The following UTP15 variants were observed in gnomAD, a reference collection of about 807,000 sequenced individuals.
UTP15 encodes the protein UTP15 small subunit processome component.
UTP15 carries 5 observed loss-of-function variants against 59.1 expected under a neutral mutation model. The observed-to-expected ratio is 0.08, with a 90% CI of 0.04 to 0.18. The LOEUF (loss-of-function observed/expected upper bound fraction) is 0.18, where lower values mean the gene tolerates loss of function less well. Ranked by LOEUF, UTP15 falls within the 10% of genes least tolerant of loss-of-function variation. The pLI is 1.00. For synonymous variants in UTP15, 211 were observed against 212.2 expected, an observed-to-expected ratio of 0.99 and a Z score of 0.05; for missense variants, 494 against 616.7, an observed-to-expected ratio of 0.80 and a Z score of 2.11.
Position 73,579,330 on chromosome 5 carries a change from C to G in UTP15, c.1294C>G (p.Pro432Ala). The G allele has an allele frequency of 3.1e-6, 5 of 1,609,044 alleles. No homozygotes were observed. The highest frequency in any genetic ancestry group is 4.2e-6 in the Non-Finnish European group (5 of 1,178,254). Residue 432 changes from proline to alanine, a missense_variant, in exon 12 of 13, where the codon CCA becomes GCA. Coordinates refer to ENST00000296792, the MANE Select transcript of UTP15 (RefSeq NM_032175.4). ...LNFLIRNLSQ[P>A]RFAPVLINAA... ...TTTACTTTGTAGGAATCTTTCTCAGCCAAGATTTGCCCCTGTTTTAATCAA... is the reference window on the plus strand; with the variant it reads ...TTTACTTTGTAGGAATCTTTCTCAGGCAAGATTTGCCCCTGTTTTAATCAA...
At chr5:73,579,458 A>G in intron 12 of UTP15, 83 bp downstream of exon 12, 1 of 1,038,090 alleles carries the variant, frequency 9.6e-7, no homozygotes, top group Non-Finnish European at 1.4e-6. Context: ...AATCAAGTAG[A>G]TCAAAATATC....
chr5:73,581,316 G>A lies in UTP15; in HGVS notation c.*1222G>A, dbSNP rs1489018725. ...TCTACCTGCCTCTGCCTCCCGAAGTGCTTGGATTACAGGTGTGAGCCACTG... is the reference window on the plus strand; with the variant it reads ...TCTACCTGCCTCTGCCTCCCGAAGTACTTGGATTACAGGTGTGAGCCACTG... On this transcript the variant is annotated 3_prime_UTR_variant, in exon 13 of 13. Coordinates refer to ENST00000296792, the MANE Select transcript of UTP15 (RefSeq NM_032175.4). The A allele has an allele frequency of 1.3e-5, 2 of 152,256 alleles. No homozygotes were observed. Among genetic ancestry groups the A allele is most frequent in the African/African-American group, 4.8e-5 (2 of 41,528 alleles). 9.4% of individuals were successfully genotyped at this position (152,256 alleles called of 1,614,324 possible). A position where few individuals can be genotyped will look rare whatever the true frequency, so the allele number is the denominator to read the frequency against.
chr5:73,570,667 A>C lies in UTP15; in HGVS notation c.629A>C (p.Glu210Ala). 6.2e-7 allele frequency: 1 copy of C among 1,614,180 alleles called. No homozygotes were observed. The change falls in exon 6 of 13, where the codon GAG (glutamate) becomes GCG (alanine). Residue 210 changes from glutamate (E) to alanine (A), a missense_variant. By Grantham distance (107) the Glu-to-Ala change is moderately radical. Coordinates refer to ENST00000296792, the MANE Select transcript of UTP15 (RefSeq NM_032175.4). ...VLSVEHGQPV[E>A]SVLLFPSGGL... is the part of the protein sequence containing the mutation. ...TCCGTTGAGCATGGGCAGCCAGTGG[A>C]GAGTGTCCTACTTTTCCCCTCTGGA...
intron 2 of UTP15, 83 bp from the exon 3 acceptor site, chr5:73,568,151 GA>G: frequency 9.7e-7 from 1 of 1,029,986 alleles, no homozygotes; most frequent in South Asian, 2.0e-5. Flanking sequence ...AGAACAAAGA[GA>G]AACGGTCTGT....
At chr5:73,575,509 T>C (rs535527556) in intron 7 of UTP15, among the ~76,000 whole-genome samples, 1 of 152,054 alleles carries the variant, frequency 6.6e-6, no homozygotes, top group East Asian at 1.9e-4. Flanking sequence ...AATTCTGAGG[T>C]TGAGAATCCC....
chr5:73,574,618 G>A lies in UTP15; in HGVS notation c.809+1994G>A, dbSNP rs201185834. 9.2e-5 allele frequency among the ~76,000 whole-genome samples: 14 copies of A among 151,872 alleles called. No individual in the cohort carries two copies. The East Asian group carries it at 2.7e-3, about 30-fold the overall frequency. On this transcript the variant is annotated intron_variant, in intron 7 of 12. Coordinates refer to ENST00000296792, the MANE Select transcript of UTP15 (RefSeq NM_032175.4). Reference sequence around the variant, plus strand: ...TCCCCTCGCCTCAGCTTCCTCAGTAGCTGGGACCACCGGCACGCGCCACTG... The same window carrying A: ...TCCCCTCGCCTCAGCTTCCTCAGTAACTGGGACCACCGGCACGCGCCACTG...
chr5:73,567,200 A>G lies in UTP15; in HGVS notation c.-83-62A>G, dbSNP rs116241712. ...TCCACACAGACTTTTTAAAGAAAGCAGAGTGAAAATCAACTATGTGTACAA... is the reference window on the plus strand; with the variant it reads ...TCCACACAGACTTTTTAAAGAAAGCGGAGTGAAAATCAACTATGTGTACAA... On this transcript the variant is annotated intron_variant, in intron 1 of 12. Transcript: ENST00000296792. 2,099 of 450,924 alleles carry G rather than the reference A, an allele frequency of 4.7e-3. 10 individuals are homozygous for G. The highest frequency in any genetic ancestry group is 9.1e-3 in the Middle Eastern group (15 of 1,642). 27.9% of individuals were successfully genotyped at this position (450,924 alleles called of 1,614,324 possible).
At position 73,578,757 on chromosome 5, in the gene UTP15, A is replaced by G. The variant is rs779678266; in HGVS notation, c.1051A>G (p.Ile351Val). 5 of 1,613,598 alleles carry G rather than the reference A, an allele frequency of 3.1e-6. No homozygotes were observed. The Admixed American group carries it at 6.7e-5, about 22-fold the overall frequency. ...GKNYMKQRDD[I>V]LINRPAKKHL... ...AATGTACTTTTCATTGCAGGATGACATTTTGATTAACAGGCCAGCAAAGAA... is the reference window on the plus strand; with the variant it reads ...AATGTACTTTTCATTGCAGGATGACGTTTTGATTAACAGGCCAGCAAAGAA... Residue 351 changes from isoleucine to valine, a missense_variant, in exon 10 of 13, where the codon ATT becomes GTT. Coordinates refer to ENST00000296792, the MANE Select transcript of UTP15 (RefSeq NM_032175.4).
chr5:73,568,722 AC>A lies in UTP15; in HGVS notation c.368+119del, dbSNP rs1203863296. On this transcript the variant is annotated intron_variant, in intron 4 of 12. Transcript: ENST00000296792. ...TTATGGAGATTATTTGCCTATAGGTACTATATTTCCTGATTGTTCTAAGAGT... is the reference window on the plus strand; with the variant it reads ...TTATGGAGATTATTTGCCTATAGGTATATATTTCCTGATTGTTCTAAGAGT... 6.2e-6 allele frequency: 6 copies of A among 960,448 alleles called. No individual in the cohort carries two copies. The African/African-American group carries it at 9.8e-5, about 16-fold the overall frequency. The allele number at this position is 960,448 out of a possible 1,614,324, so 59.5% of individuals were successfully genotyped here.
chr5:73,579,838 G>A, intron 12 of UTP15, 39 bp from the exon 13 acceptor site: 1 of 1,423,280 alleles, frequency 7.0e-7, no homozygotes, highest in Non-Finnish European at 9.5e-7. Context: ...TGTATGGAAA[G>A]ATATTGCTAG....
At chr5:73,576,768 C>T (rs77940365) in intron 7 of UTP15, among the ~76,000 whole-genome samples, 184 bp from the exon 8 acceptor site, 1,854 of 152,260 alleles carry the variant, frequency 0.012, 31 homozygotes, top group African/African-American at 0.042. Flanking sequence ...CCACCGTGTC[C>T]GGCCTACAGC....
At position 73,565,790 on chromosome 5, in the gene UTP15, C is replaced by T. The variant is rs1037408572; in HGVS notation, c.-206C>T. The T allele has an allele frequency of 4.8e-5, 22 of 456,180 alleles. No homozygotes were observed. The highest frequency in any genetic ancestry group is 9.7e-5 in the Non-Finnish European group (22 of 226,972). 28.3% of individuals were successfully genotyped at this position (456,180 alleles called of 1,614,324 possible). A position where few individuals can be genotyped will look rare whatever the true frequency, so the allele number is the denominator to read the frequency against. ...GGTTCGCTGTGTGTGTCGCCGGCTC[C>T]TTGAGGGTCCATGTGATTTTTACGC... On this transcript the variant is annotated 5_prime_UTR_variant, in exon 1 of 13. Transcript: ENST00000296792.
At chr5:73,566,871 A>G (rs1392909111) in intron 1 of UTP15, among the ~76,000 whole-genome samples, 1 of 152,226 alleles carries the variant, frequency 6.6e-6, no homozygotes, top group Non-Finnish European at 1.5e-5. Flanking sequence ...TATAATTGTT[A>G]TAGATTAAAT....
Position 73,582,453 on chromosome 5 carries a change from T to C in UTP15, c.*2359T>C, listed in dbSNP as rs2112068082. The C allele has an allele frequency of 6.6e-6, 1 of 152,326 alleles. No individual in the cohort carries two copies. Among genetic ancestry groups the C allele is most frequent in the African/African-American group, 2.4e-5 (1 of 41,576 alleles). The allele number at this position is 152,326 out of a possible 1,614,324, so 9.4% of individuals were successfully genotyped here. On this transcript the variant is annotated 3_prime_UTR_variant, in exon 13 of 13. Coordinates refer to ENST00000296792, the MANE Select transcript of UTP15 (RefSeq NM_032175.4). ...AGGCTGGAGTGTAGTGGTGTGATCA[T>C]AGCTCACTGCAGCTTCTGTCTCCTA...
chr5:73,578,335 G>A (rs929773745), intron 9 of UTP15: 10 of 298,338 alleles, frequency 3.4e-5, no homozygotes, highest in African/African-American at 2.3e-4. Flanking sequence ...AGAAGACTGA[G>A]CGACAAATAA....
In UTP15 at chr5:73,572,553, T is replaced by C. The variant is rs1486637768; in HGVS notation, c.738T>C (p.Asn246=). The part of the protein sequence containing the change: ...KGGQLLVSLK[N]HHKTVTCLCL... ...GACAATTGCTAGTATCTTTGAAAAA[T>C]CATCACAAAACCGTGACATGTTTAT... Residue 246 remains asparagine, a synonymous_variant, in exon 7 of 13, where the codon AAT becomes AAC. Coordinates refer to ENST00000296792, the MANE Select transcript of UTP15 (RefSeq NM_032175.4). 1 of 1,614,196 alleles carries C rather than the reference T, an allele frequency of 6.2e-7. No homozygotes were observed. Among genetic ancestry groups the C allele is most frequent in the Admixed American group, 1.7e-5 (1 of 60,020 alleles).
chr5:73,568,782 G>A (rs75324765), intron 4 of UTP15, among the ~76,000 whole-genome samples, 178 bp downstream of exon 4: 8,823 of 152,180 alleles, frequency 0.058, 904 homozygotes, highest in African/African-American at 0.2. Flanking sequence ...AGTTTCATGG[G>A]GCTTATGAAT....
At position 73,579,309 on chromosome 5, in the gene UTP15, C is replaced by T; in HGVS notation, c.1281-8C>T. On this transcript the variant is annotated splice_polypyrimidine_tract_variant and splice_region_variant and intron_variant, in intron 11 of 12. Transcript: ENST00000296792. The stretch of plus-strand genomic sequence containing the variant: ...CAAGTTTCACTAAACTGAATTTTTA[C>T]TTTGTAGGAATCTTTCTCAGCCAAG... The T allele has an allele frequency of 6.2e-7, 1 of 1,605,282 alleles. No homozygotes were observed. The highest frequency in any genetic ancestry group is 1.1e-5 in the South Asian group (1 of 88,532).
chr5:73,578,650 CA>C, intron 9 of UTP15, 100 bp from the exon 10 acceptor site: 1 of 938,862 alleles, frequency 1.1e-6, no homozygotes, highest in South Asian at 1.6e-5. Context: ...TTATTTGTGA[CA>C]TAGTTCAGAG....
Sources: allele counts gnomAD v4.1 joint callset (sites outside exome capture counted in the v4.1 genomes callset), GRCh38; gene constraint gnomAD v4.1.1; transcripts MANE v1.5; gene names NCBI Gene and HGNC (gene_info 2026-07-23, HGNC 2026-07-21).